Variants in TXNDC11 observed in about 807,000 individuals in gnomAD.
TXNDC11 encodes thioredoxin domain-containing protein 11.
TXNDC11 carries 68 observed loss-of-function variants against 78.0 expected under a neutral mutation model. The ratio of observed to expected loss-of-function variants is 0.87; its 90% CI spans 0.72 to 1.07. The LOEUF (loss-of-function observed/expected upper bound fraction) is 1.07. Ranked by LOEUF, TXNDC11 falls within the 50% of genes least tolerant of loss-of-function variation. TXNDC11 has a pLI of 0.00. For synonymous variants in TXNDC11, 571 were observed against 495.2 expected (o/e 1.15, Z -2.03); for missense variants, 1,389 against 1,221.8 (o/e 1.14, Z -2.04).
chr16:11,735,981 C>T (rs547976412), intron 2 of TXNDC11, 36 bp downstream of exon 2: 1 of 1,600,350 alleles, frequency 6.2e-7, no homozygotes, highest in East Asian at 2.2e-5. Flanking sequence ...ATAGGACTGA[C>T]AGTCATTTGA....
chr16:11,690,024 CA>C (rs2050666431), intron 8 of TXNDC11: 1 of 152,168 alleles, frequency 6.6e-6, no homozygotes, highest in African/African-American at 2.4e-5. Flanking sequence ...ATGTAAGAAA[CA>C]AGCTTCACCT....
intron 5 of TXNDC11, among the ~76,000 whole-genome samples, chr16:11,707,586 T>C (rs895914232): frequency 1.1e-4 from 16 of 151,836 alleles, no homozygotes; most frequent in South Asian, 6.3e-4. Context: ...GTAGCTAGGA[T>C]TGCAGGCGTG....
intron 5 of TXNDC11, among the ~76,000 whole-genome samples, chr16:11,710,011 C>T (rs1157522842): frequency 6.6e-6 from 1 of 152,120 alleles, no homozygotes; most frequent in Non-Finnish European, 1.5e-5. Flanking sequence ...GACGTGGTGG[C>T]ACATGCCTGT....
chr16:11,703,570 G>C (rs1185461114), intron 5 of TXNDC11: 2 of 626,664 alleles, frequency 3.2e-6, no homozygotes, highest in East Asian at 2.9e-5. Context: ...GATGGATAGA[G>C]AAATACAGAT....
intron 5 of TXNDC11, among the ~76,000 whole-genome samples, chr16:11,702,542 C>T (rs1202682511): frequency 6.6e-6 from 1 of 152,094 alleles, no homozygotes; most frequent in African/African-American, 2.4e-5. Context: ...TTGTGGTGGG[C>T]ACCTGTAATC....
chr16:11,693,711 C>T (rs956152589), intron 7 of TXNDC11, among the ~76,000 whole-genome samples: 3 of 152,150 alleles, frequency 2.0e-5, no homozygotes, highest in Non-Finnish European at 4.4e-5. Context: ...GATGATAGGC[C>T]AGTGCTTGAA....
intron 11 of TXNDC11, among the ~76,000 whole-genome samples, chr16:11,681,503 C>A (rs1226870898): frequency 1.3e-5 from 2 of 152,376 alleles, no homozygotes; most frequent in South Asian, 2.1e-4. Flanking sequence ...AGAATGTCAA[C>A]AGTCTACTTC....
At chr16:11,703,050 C>T (rs1392421050) in intron 5 of TXNDC11, among the ~76,000 whole-genome samples, 1 of 152,106 alleles carries the variant, frequency 6.6e-6, no homozygotes, top group East Asian at 1.9e-4. Context: ...TATCTGACTC[C>T]TAGGGCCACA....
chr16:11,701,841 C>T (rs940730106), intron 5 of TXNDC11, among the ~76,000 whole-genome samples: 3 of 152,086 alleles, frequency 2.0e-5, no homozygotes, highest in African/African-American at 7.2e-5. Flanking sequence ...CTCAGGAAAG[C>T]AGCTGCTGTA....
chr16:11,721,685 G>A lies in TXNDC11; in HGVS notation c.700-15C>T. The A allele has an allele frequency of 6.5e-7, 1 of 1,540,272 alleles. No individual in the cohort carries two copies. Among genetic ancestry groups the A allele is most frequent in the African/African-American group, 1.4e-5 (1 of 73,536 alleles). On this transcript the variant is annotated splice_polypyrimidine_tract_variant and intron_variant, in intron 4 of 11. Coordinates refer to ENST00000283033, the MANE Select transcript of TXNDC11 (RefSeq NM_015914.7). ...AGTACTCCAGGCTGCAGGAAAAAGA[G>A]CAGAATTAGGTAACTGAGGCACTGT... is the stretch of plus-strand genomic sequence containing the variant.
At chr16:11,738,536 G>C (rs558433939) in intron 1 of TXNDC11, among the ~76,000 whole-genome samples, 2 of 152,232 alleles carry the variant, frequency 1.3e-5, no homozygotes, top group African/African-American at 4.8e-5. Context: ...AATTTAACAA[G>C]GTGATGTACA....
intron 8 of TXNDC11, among the ~76,000 whole-genome samples, chr16:11,688,796 A>G (rs941352535): frequency 8.5e-5 from 13 of 152,322 alleles, no homozygotes; most frequent in Admixed American, 5.9e-4. Context: ...TCACCCTATA[A>G]TACTAAGACC....
chr16:11,731,000 G>T (rs1597490599), intron 3 of TXNDC11, among the ~76,000 whole-genome samples: 1 of 151,958 alleles, frequency 6.6e-6, no homozygotes, highest in African/African-American at 2.4e-5. Flanking sequence ...ACCCTTCTAT[G>T]ATCTTGAATT....
Position 11,719,036 on chromosome 16 carries a change from T to A in TXNDC11, c.793+2541A>T, listed in dbSNP as rs1207270603. On this transcript the variant is annotated intron_variant, in intron 5 of 11. Coordinates refer to ENST00000283033, the MANE Select transcript of TXNDC11 (RefSeq NM_015914.7). ...CTGCCTCTTATTAGAAGGGTATTCC[T>A]AAAAGGAACACCTTTTTAGAAACCT... is the stretch of plus-strand genomic sequence containing the variant. Among the ~76,000 whole-genome samples the A allele has an allele frequency of 5.3e-5, 8 of 152,348 alleles. No individual in the cohort carries two copies. In the East Asian group the frequency reaches 9.6e-4, roughly 18 times the overall value.
At chr16:11,737,216 C>T (rs918628979) in intron 1 of TXNDC11, among the ~76,000 whole-genome samples, 1 of 152,040 alleles carries the variant, frequency 6.6e-6, no homozygotes, top group African/African-American at 2.4e-5. Context: ...GAGGCCGAGG[C>T]AGGCAAATCT....
chr16:11,742,392 G>A, intron 1 of TXNDC11, 85 bp downstream of exon 1: 1 of 1,158,008 alleles, frequency 8.6e-7, no homozygotes, highest in Admixed American at 4.2e-5. Context: ...CCCCGGCTGA[G>A]GCCGCTGCGA....
intron 1 of TXNDC11, among the ~76,000 whole-genome samples, chr16:11,740,366 C>G (rs2052356115): frequency 6.6e-6 from 1 of 152,142 alleles, no homozygotes; most frequent in Non-Finnish European, 1.5e-5. Context: ...GAAGATGAAG[C>G]AGCAGCCATT....
chr16:11,702,113 TG>T (rs2141036178), intron 5 of TXNDC11, among the ~76,000 whole-genome samples: 1 of 151,378 alleles, frequency 6.6e-6, no homozygotes, highest in East Asian at 1.9e-4. Flanking sequence ...TATATATATA[TG>T]TTTTTTCCCC....
chr16:11,734,513 C>T (rs1481409626), intron 2 of TXNDC11, among the ~76,000 whole-genome samples: 3 of 152,170 alleles, frequency 2.0e-5, no homozygotes, highest in Non-Finnish European at 4.4e-5. Flanking sequence ...TGCCTGCAGT[C>T]CTGCTTCAGA....
Sources: allele counts gnomAD v4.1 joint callset (sites outside exome capture counted in the v4.1 genomes callset), GRCh38; gene constraint gnomAD v4.1.1; transcripts MANE v1.5; gene names NCBI Gene and HGNC (gene_info 2026-07-23, HGNC 2026-07-21).